The following COL4A4 variants were observed in gnomAD, a reference collection of about 807,000 sequenced individuals.
COL4A4 encodes the protein collagen type IV alpha 4 chain, also known as collagen alpha-4(IV) chain.
A neutral mutation model predicts 192.9 loss-of-function variants in COL4A4; 105 were observed. The observed-to-expected ratio is 0.54, with a 90% CI of 0.46 to 0.64. COL4A4 has a LOEUF of 0.64. COL4A4 is among the 30% of genes least tolerant of loss of function. The pLI is 0.00. For synonymous variants in COL4A4, 762 were observed against 769.9 expected (o/e 0.99, Z 0.17); for missense variants, 1,967 against 2,169.3 (o/e 0.91, Z 1.85).
downstream of COL4A4, chr2:226,998,266 A>G (rs1959979464): frequency 6.6e-6 from 1 of 152,180 alleles, no homozygotes; most frequent in African/African-American, 2.4e-5. Flanking sequence ...ATCCTTTTAA[A>G]TTGCCTGCTG....
chr2:227,078,992 C>T (rs1445566396), intron 24 of COL4A4, among the ~76,000 whole-genome samples: 3 of 152,232 alleles, frequency 2.0e-5, no homozygotes, highest in African/African-American at 7.2e-5. Flanking sequence ...GATTCCCTCA[C>T]TGGCAATCCC....
chr2:226,995,712 C>G, the COL4A4 span: 1 of 595,878 alleles, frequency 1.7e-6, no homozygotes, highest in Non-Finnish European at 3.0e-6. Context: ...GGGGAGTGGG[C>G]CTTCTCCTGG....
intron 20 of COL4A4, among the ~76,000 whole-genome samples, chr2:227,091,924 A>AAGAT (rs1416605694): frequency 3.0e-5 from 1 of 33,654 alleles, no homozygotes. Flanking sequence ...GAAAGAAAGA[A>AAGAT]AGAAAAGAAA....
chr2:226,967,477 G>A, the COL4A4 span, among the ~76,000 whole-genome samples: 1 of 151,744 alleles, frequency 6.6e-6, no homozygotes, highest in Non-Finnish European at 1.5e-5. Flanking sequence ...TTGGTGTGCT[G>A]CACCCATTAA....
chr2:227,085,325 C>A (rs1349744439), intron 22 of COL4A4, among the ~76,000 whole-genome samples: 3 of 152,124 alleles, frequency 2.0e-5, no homozygotes, highest in Non-Finnish European at 4.4e-5. Context: ...AACGCAATAA[C>A]CTTGTGTTCA....
intron 4 of COL4A4, among the ~76,000 whole-genome samples, chr2:227,135,132 T>C (rs2062729664): frequency 1.3e-5 from 2 of 152,190 alleles, no homozygotes; most frequent in African/African-American, 4.8e-5. Context: ...CATGGAAATG[T>C]TAGGGCCTGG....
At chr2:227,126,143 G>C (rs764599123) in intron 4 of COL4A4, among the ~76,000 whole-genome samples, 1 of 152,128 alleles carries the variant, frequency 6.6e-6, no homozygotes, top group Admixed American at 6.5e-5. Flanking sequence ...ACTGTATACT[G>C]TATATAGCAT....
At chr2:227,138,948 C>T (rs1218873678) in intron 4 of COL4A4, among the ~76,000 whole-genome samples, 4 of 152,204 alleles carry the variant, frequency 2.6e-5, no homozygotes, top group Non-Finnish European at 4.4e-5. Flanking sequence ...GACTTGAACA[C>T]TGTTACAGAC....
intron 19 of COL4A4, among the ~76,000 whole-genome samples, 180 bp from the exon 20 acceptor site, chr2:227,094,469 C>T (rs1349172709): frequency 6.6e-6 from 1 of 152,158 alleles, no homozygotes; most frequent in Admixed American, 6.6e-5. Context: ...ACTGCATGAT[C>T]TCACTTATAT....
intron 35 of COL4A4, among the ~76,000 whole-genome samples, chr2:227,045,492 G>A (rs893080997): frequency 9.2e-5 from 14 of 151,830 alleles, no homozygotes; most frequent in East Asian, 7.8e-4. Flanking sequence ...TGTCTAGGCC[G>A]GGCACAGTGC....
intron 14 of COL4A4, 40 bp from the exon 15 acceptor site, chr2:227,102,888 ATATTT>A: frequency 9.5e-6 from 2 of 209,992 alleles, no homozygotes; most frequent in African/African-American, 1.6e-4. Flanking sequence ...TCAAGCAACA[ATATTT>A]CAGCAATAGG....
In COL4A4 at chr2:227,101,212, G is replaced by C. The variant is rs149373121; in HGVS notation, c.1029+292C>G. 3.0e-3 allele frequency among the ~76,000 whole-genome samples: 464 copies of C among 152,232 alleles called. 5 individuals are homozygous for C. The highest frequency in any genetic ancestry group is 0.011 in the African/African-American group (445 of 41,538). On this transcript the variant is annotated intron_variant, in intron 17 of 47. Coordinates refer to ENST00000396625, the MANE Select transcript of COL4A4 (RefSeq NM_000092.5). ...TCTCTCTTTGCCTGCTGCCATCCAT[G>C]TAAGACGTGACTTGCTCCTTCTTGC...
chr2:226,989,333 G>C, the COL4A4 span, among the ~76,000 whole-genome samples: 1 of 152,148 alleles, frequency 6.6e-6, no homozygotes, highest in East Asian at 1.9e-4. Flanking sequence ...ACAAAAATAG[G>C]GGAAAAATCT....
intron 4 of COL4A4, among the ~76,000 whole-genome samples, chr2:227,126,722 C>T (rs2062111900): frequency 6.6e-6 from 1 of 152,174 alleles, no homozygotes; most frequent in Non-Finnish European, 1.5e-5. Flanking sequence ...AAGCTGCTCA[C>T]CAAAATTTCC....
chr2:227,068,734 T>C (rs897723792), intron 25 of COL4A4, among the ~76,000 whole-genome samples: 1 of 150,576 alleles, frequency 6.6e-6, no homozygotes, highest in Non-Finnish European at 1.5e-5. Context: ...ATAAGAGCTA[T>C]CTATGACAAA....
At chr2:227,150,576 C>T (rs2063862263) in intron 1 of COL4A4, among the ~76,000 whole-genome samples, 1 of 152,058 alleles carries the variant, frequency 6.6e-6, no homozygotes, top group Admixed American at 6.5e-5. Flanking sequence ...GAAGAAATAC[C>T]TGAGACTGGG....
At chr2:226,988,272 C>G in the COL4A4 span, 3 of 1,490,874 alleles carry the variant, frequency 2.0e-6, no homozygotes, top group Non-Finnish European at 2.7e-6. Flanking sequence ...CCTGAGGAGG[C>G]CACTGTAAGT....
At chr2:227,154,993 A>C (rs2064224111) in intron 1 of COL4A4, among the ~76,000 whole-genome samples, 2 of 152,226 alleles carry the variant, frequency 1.3e-5, no homozygotes, top group Admixed American at 1.3e-4. Context: ...AGTCACTCTC[A>C]TCCCACATCC....
chr2:227,101,015 A>G (rs541697381), intron 17 of COL4A4, among the ~76,000 whole-genome samples: 2 of 152,122 alleles, frequency 1.3e-5, no homozygotes, highest in South Asian at 2.1e-4. Context: ...TCACTGTGTT[A>G]GCCAGGATGG....
Sources: allele counts gnomAD v4.1 joint callset (sites outside exome capture counted in the v4.1 genomes callset), GRCh38; gene constraint gnomAD v4.1.1; transcripts MANE v1.5; gene names NCBI Gene and HGNC (gene_info 2026-07-23, HGNC 2026-07-21).